Variants in TENM2 observed in about 807,000 individuals in gnomAD.
The protein encoded by TENM2 is teneurin transmembrane protein 2, also known as teneurin-2.
A neutral mutation model predicts 245.2 loss-of-function variants in TENM2; 52 were observed. The observed-to-expected ratio is 0.21, with a 90% CI of 0.17 to 0.27. The LOEUF (loss-of-function observed/expected upper bound fraction) is 0.27. Ranked by LOEUF, TENM2 falls within the 10% of genes least tolerant of loss-of-function variation. The probability of loss-of-function intolerance (pLI) is 1.00; values close to 1 mark genes in which losing one functional copy is unlikely to be tolerated. For missense variants in TENM2, 3,046 were observed against 3,666.8 expected (o/e 0.83, Z 4.37); for synonymous variants, 1,363 against 1,438.9 (o/e 0.95, Z 1.19).
In TENM2 at chr5:168,145,747, T is replaced by C. The variant is rs1401667527; in HGVS notation, c.2423-16864T>C. Among the ~76,000 whole-genome samples the C allele has an allele frequency of 5.3e-3, 792 of 150,192 alleles. 7 individuals are homozygous for C. Among genetic ancestry groups the C allele is most frequent in the African/African-American group, 0.019 (770 of 41,246 alleles). ...CACTGGTAGCTTGATGGGGATGGCA[T>C]TGAATCTGTAAATTACCTTGGGCAG... On this transcript the variant is annotated intron_variant, in intron 12 of 28. Transcript: ENST00000518659.
chr5:167,258,836 G>A, the TENM2 span, among the ~76,000 whole-genome samples: 11 of 152,114 alleles, frequency 7.2e-5, no homozygotes, highest in African/African-American at 2.7e-4. Flanking sequence ...ATTTTAATAT[G>A]TGTGAGAACC....
intron 14 of TENM2, among the ~76,000 whole-genome samples, chr5:168,194,123 C>T (rs1408596074): frequency 1.3e-5 from 2 of 152,158 alleles, no homozygotes; most frequent in Admixed American, 6.5e-5. Context: ...TGACAAAGGA[C>T]GGGTCAGTTG....
intron 2 of TENM2, among the ~76,000 whole-genome samples, chr5:167,497,780 A>C (rs578202410): frequency 4.2e-4 from 64 of 152,156 alleles, no homozygotes; most frequent in African/African-American, 1.5e-3. Flanking sequence ...CCATAGGGTG[A>C]ATGACTTGGG....
At chr5:168,202,149 C>T (rs1761993736) in intron 17 of TENM2, among the ~76,000 whole-genome samples, 1 of 152,140 alleles carries the variant, frequency 6.6e-6, no homozygotes, top group African/African-American at 2.4e-5. Flanking sequence ...TAGTTTAATT[C>T]TGTACTTCCT....
chr5:167,386,330 A>T lies in TENM2; in HGVS notation c.502+10857A>T, dbSNP rs530760858. ...GTATATCTTCTTTTGAAAATAATCT[A>T]TTCTTGTCCTTAGCTTACTTTTTGA... On this transcript the variant is annotated intron_variant, in intron 2 of 28. Coordinates refer to ENST00000518659, the Ensembl canonical transcript of TENM2. Among the ~76,000 whole-genome samples the T allele has an allele frequency of 2.6e-4, 39 of 152,136 alleles. No homozygotes were observed. The South Asian group carries it at 8.1e-3, about 32-fold the overall frequency.
rs34787036 is a variant in TENM2, at chr5:167,331,235, C to CAAAAA, written c.227-43949_227-43945dup. Among the ~76,000 whole-genome samples, 6 of 85,538 alleles carry CAAAAA rather than the reference C, an allele frequency of 7.0e-5. No homozygotes were observed. In the East Asian group the frequency reaches 9.9e-4, roughly 14 times the overall value. The allele number at this position is 85,538 out of a possible 152,430, so 56.1% of individuals were successfully genotyped here. ...AGGGCAACAGAGTGAGACTCTGTCTCAAAAAAAAAAAAAAAAAAGACAAGA... is the reference window on the plus strand; with the variant it reads ...AGGGCAACAGAGTGAGACTCTGTCTCAAAAAAAAAAAAAAAAAAAAAAAGACAAGA... On this transcript the variant is annotated intron_variant, in intron 1 of 28. Coordinates refer to ENST00000518659, the Ensembl canonical transcript of TENM2.
intron 2 of TENM2, among the ~76,000 whole-genome samples, chr5:167,490,020 T>C (rs1023141327): frequency 1.3e-5 from 2 of 152,206 alleles, no homozygotes; most frequent in Non-Finnish European, 2.9e-5. Context: ...TAAATATTTG[T>C]ACAACCTTCA....
chr5:167,375,425 C>T, exon 2 of TENM2: 2 of 1,551,734 alleles, frequency 1.3e-6, no homozygotes, highest in Non-Finnish European at 1.7e-6. Context: ...AAACTCGGCC[C>T]TTACCCTGAC....
chr5:167,215,100 A>C, the TENM2 span, among the ~76,000 whole-genome samples: 1 of 152,118 alleles, frequency 6.6e-6, no homozygotes, highest in Non-Finnish European at 1.5e-5. Flanking sequence ...ATAACTGTAC[A>C]TCCATCTCTA....
chr5:167,404,510 A>G (rs34655060), intron 2 of TENM2, among the ~76,000 whole-genome samples: 5,283 of 152,146 alleles, frequency 0.035, 128 homozygotes, highest in Non-Finnish European at 0.057. Context: ...GGAGAGATAA[A>G]CCTTTGAAGG....
chr5:167,474,126 G>A lies in TENM2; in HGVS notation c.502+98653G>A, dbSNP rs573450979. 2.0e-5 allele frequency among the ~76,000 whole-genome samples: 3 copies of A among 150,738 alleles called. No homozygotes were observed. The South Asian group carries it at 6.4e-4, about 32-fold the overall frequency. On this transcript the variant is annotated intron_variant, in intron 2 of 28. Transcript: ENST00000518659. ...ATGATGAAATTTTTTAAATAAAAAT[G>A]TTTTTTGTCAAGTCCATTATGAAAA...
chr5:168,063,086 G>A (rs1417016696), intron 7 of TENM2, among the ~76,000 whole-genome samples: 1 of 152,192 alleles, frequency 6.6e-6, no homozygotes, highest in Non-Finnish European at 1.5e-5. Flanking sequence ...ACTAGGTTTA[G>A]GGGTTAATCA....
the TENM2 span, among the ~76,000 whole-genome samples, chr5:166,979,646 T>C: frequency 9.2e-5 from 14 of 152,192 alleles, no homozygotes; most frequent in Non-Finnish European, 1.8e-4. Context: ...CAGTTCTCTT[T>C]CTCTCCTTGC....
intron 3 of TENM2, among the ~76,000 whole-genome samples, chr5:167,897,810 G>T (rs1775339854): frequency 6.6e-6 from 1 of 151,980 alleles, no homozygotes; most frequent in Admixed American, 6.6e-5. Flanking sequence ...GTAGATATAG[G>T]TAGGATGGTA....
intron 2 of TENM2, among the ~76,000 whole-genome samples, chr5:167,438,244 G>A (rs1287220443): frequency 2.0e-5 from 3 of 152,160 alleles, no homozygotes; most frequent in South Asian, 2.1e-4. Flanking sequence ...TTCCTCTGAT[G>A]TGCCTTTTTT....
At chr5:167,599,606 C>T (rs1246368905) in intron 2 of TENM2, among the ~76,000 whole-genome samples, 2 of 152,120 alleles carry the variant, frequency 1.3e-5, no homozygotes, top group Non-Finnish European at 2.9e-5. Flanking sequence ...GGTAAGAGCC[C>T]TTACCATGTT....
Position 167,658,210 on chromosome 5 carries a change from CT to C in TENM2, c.503-217760del, listed in dbSNP as rs147052272. Among the ~76,000 whole-genome samples, 914 of 139,408 alleles carry C rather than the reference CT, an allele frequency of 6.6e-3. 2 individuals carry two copies. Among genetic ancestry groups the C allele is most frequent in the Admixed American group, 8.0e-3 (111 of 13,828 alleles). 91.5% of individuals were successfully genotyped at this position (139,408 alleles called of 152,430 possible). ...AGAAAGGCCAAATGCTGTGCGAAGC[CT>C]TTTTTTTTTTTTTTTAAGACCGAGT... is the stretch of plus-strand genomic sequence containing the variant. On this transcript the variant is annotated intron_variant, in intron 2 of 28. Transcript: ENST00000518659.
chr5:167,043,257 A>C, the TENM2 span, among the ~76,000 whole-genome samples: 1 of 152,220 alleles, frequency 6.6e-6, no homozygotes, highest in African/African-American at 2.4e-5. Flanking sequence ...TTGAAAAGAT[A>C]GCTTTTTATT....
intron 2 of TENM2, among the ~76,000 whole-genome samples, chr5:167,452,950 T>TATATTTTTTTTTTTTTTAA (rs1561968205): frequency 2.0e-5 from 2 of 99,630 alleles, no homozygotes; most frequent in African/African-American, 6.8e-5. Flanking sequence ...TATATATATA[T>TATATTTTTTTTTTTTTTAA]ATATATATAT....
Sources: allele counts gnomAD v4.1 joint callset (sites outside exome capture counted in the v4.1 genomes callset), GRCh38; gene constraint gnomAD v4.1.1; transcripts MANE v1.5; gene names NCBI Gene and HGNC (gene_info 2026-07-23, HGNC 2026-07-21).